WASHC5: variants seen among roughly 807,000 people sequenced by gnomAD.
WASHC5 encodes the protein WASH complex subunit 5, also known as WASH complex subunit strumpellin.
A neutral mutation model predicts 150.4 loss-of-function variants in WASHC5; 101 were observed. The observed-to-expected ratio is 0.67, with a 90% CI of 0.57 to 0.79. The LOEUF (loss-of-function observed/expected upper bound fraction) is 0.79. Among genes scored for constraint, WASHC5 ranks in the 30% least tolerant of loss-of-function variants. The pLI is 0.00. For missense variants in WASHC5, 1,195 were observed against 1,396.3 expected, an observed-to-expected ratio of 0.86 and a Z score of 2.30; for synonymous variants, 467 against 491.2, an observed-to-expected ratio of 0.95 and a Z score of 0.65.
intron 10 of WASHC5, among the ~76,000 whole-genome samples, chr8:125,064,022 T>C (rs1337273292): frequency 6.6e-6 from 1 of 152,210 alleles, no homozygotes; most frequent in South Asian, 2.1e-4. Context: ...TGGTTCCTTC[T>C]AGGCAACAAT....
At position 125,080,055 on chromosome 8, in the gene WASHC5, C is replaced by T. The variant is rs112301888; in HGVS notation, c.519-1125G>A. On this transcript the variant is annotated intron_variant, in intron 5 of 28. Coordinates refer to ENST00000318410, the MANE Select transcript of WASHC5 (RefSeq NM_014846.4). ...CTAATAAACAGGTCTGTGATTTTTC[C>T]GGGTGGAATAGTAAGCTCTGAAAGA... Among the ~76,000 whole-genome samples the T allele has an allele frequency of 9.8e-3, 1,496 of 152,104 alleles. 17 individuals are homozygous for T. Among genetic ancestry groups the T allele is most frequent in the African/African-American group, 0.034 (1,411 of 41,478 alleles).
At chr8:125,076,151 C>T (rs1817053621) in intron 7 of WASHC5, among the ~76,000 whole-genome samples, 197 bp downstream of exon 7, 1 of 152,124 alleles carries the variant, frequency 6.6e-6, no homozygotes, top group Non-Finnish European at 1.5e-5. Context: ...CTAGTGGGTT[C>T]TTCAGGAAGT....
chr8:125,069,616 GT>G (rs1816845595), intron 9 of WASHC5, among the ~76,000 whole-genome samples: 1 of 152,178 alleles, frequency 6.6e-6, no homozygotes, highest in East Asian at 1.9e-4. Flanking sequence ...CCTGTGGAAG[GT>G]CATCTTATAT....
At chr8:125,062,467 C>T (rs1816624601) in intron 11 of WASHC5, among the ~76,000 whole-genome samples, 1 of 152,194 alleles carries the variant, frequency 6.6e-6, no homozygotes, top group African/African-American at 2.4e-5. Context: ...CTAACCGGGT[C>T]AGATTGTTAC....
chr8:125,031,369 TG>T (rs1370595842), intron 27 of WASHC5, among the ~76,000 whole-genome samples: 5 of 152,104 alleles, frequency 3.3e-5, no homozygotes, highest in African/African-American at 9.7e-5. Flanking sequence ...TGAGGCCTCC[TG>T]GGTTCAAGCA....
chr8:125,040,290 A>G (rs1038692072), intron 23 of WASHC5, among the ~76,000 whole-genome samples: 1 of 152,140 alleles, frequency 6.6e-6, no homozygotes, highest in African/African-American at 2.4e-5. Context: ...ATTTATCCTA[A>G]ATGGAACTTT....
intron 6 of WASHC5, among the ~76,000 whole-genome samples, chr8:125,078,504 G>A (rs1051243422): frequency 6.6e-6 from 1 of 152,190 alleles, no homozygotes; most frequent in Non-Finnish European, 1.5e-5. Flanking sequence ...ATGACTAAAA[G>A]AATGCATCTT....
In WASHC5 at chr8:125,024,468, A is replaced by G. The variant is rs1230650021; in HGVS notation, c.*149T>C. 3 of 702,600 alleles carry G rather than the reference A, an allele frequency of 4.3e-6. No homozygotes were observed. Among genetic ancestry groups the G allele is most frequent in the African/African-American group, 1.8e-5 (1 of 56,446 alleles). 43.5% of individuals were successfully genotyped at this position (702,600 alleles called of 1,614,324 possible). On this transcript the variant is annotated 3_prime_UTR_variant, in exon 29 of 29. Transcript: ENST00000318410. Reference sequence around the variant, plus strand: ...GTTATATTAACTAATGCCATGAGATATATCTTACTCAGAACGTCTGATGTT... The same window carrying G: ...GTTATATTAACTAATGCCATGAGATGTATCTTACTCAGAACGTCTGATGTT...
chr8:125,034,600 AACTG>A (rs1815644261), intron 26 of WASHC5, among the ~76,000 whole-genome samples: 2 of 152,162 alleles, frequency 1.3e-5, no homozygotes, highest in African/African-American at 2.4e-5. Flanking sequence ...GTGAGAGTGT[AACTG>A]GCACAACCAC....
At chr8:125,086,146 C>T (rs1817415026) in intron 1 of WASHC5, among the ~76,000 whole-genome samples, 1 of 152,132 alleles carries the variant, frequency 6.6e-6, no homozygotes, top group Non-Finnish European at 1.5e-5. Context: ...AACAAAGCAC[C>T]ACAGAGAGGG....
intron 19 of WASHC5, among the ~76,000 whole-genome samples, chr8:125,048,170 C>T (rs1816130405): frequency 6.6e-6 from 1 of 152,220 alleles, no homozygotes; most frequent in Admixed American, 6.5e-5. Flanking sequence ...CTTCGGCTTT[C>T]TGTCTTATGA....
At chr8:125,033,538 AG>A (rs1563608586) in intron 26 of WASHC5, among the ~76,000 whole-genome samples, 1 of 151,502 alleles carries the variant, frequency 6.6e-6, no homozygotes, top group African/African-American at 2.4e-5. Flanking sequence ...GTGACCTTGA[AG>A]AAGGCAGAGA....
At chr8:125,027,346 T>C (rs559111468) in intron 28 of WASHC5, among the ~76,000 whole-genome samples, 2 of 152,336 alleles carry the variant, frequency 1.3e-5, no homozygotes, top group South Asian at 2.1e-4. Context: ...CAATTTACAA[T>C]TGCAAAATCG....
At position 125,041,035 on chromosome 8, in the gene WASHC5, T is replaced by C. The variant is rs1422839128; in HGVS notation, c.2851-1137A>G. Among the ~76,000 whole-genome samples the C allele has an allele frequency of 2.6e-5, 4 of 152,344 alleles. No homozygotes were observed. The East Asian group carries it at 5.8e-4, about 22-fold the overall frequency. On this transcript the variant is annotated intron_variant, in intron 23 of 28. Coordinates refer to ENST00000318410, the MANE Select transcript of WASHC5 (RefSeq NM_014846.4). ...AGTTATGCTAGGATGGTGTATTAAC[T>C]ACAGTACTTTAAAAGTAGCTATGAG...
At position 125,076,364 on chromosome 8, in the gene WASHC5, T is replaced by C; in HGVS notation, c.848A>G (p.Tyr283Cys). The C allele has an allele frequency of 6.2e-7, 1 of 1,613,882 alleles. No homozygotes were observed. Among genetic ancestry groups the C allele is most frequent in the Non-Finnish European group, 8.5e-7 (1 of 1,179,884 alleles). Residue 283 changes from tyrosine to cysteine, a missense_variant, in exon 7 of 29, where the codon TAC becomes TGC. Coordinates refer to ENST00000318410, the MANE Select transcript of WASHC5 (RefSeq NM_014846.4). ...AATACTTGCCCAATTATCTGGAAAG[T>C]ATTTATCCACTATCTCTCTCATTTT... Reference protein sequence around the residue: ...QAKMREIVDKYFPDNWVISIY... With the variant: ...QAKMREIVDKCFPDNWVISIY...
intron 28 of WASHC5, among the ~76,000 whole-genome samples, chr8:125,026,156 AC>A: frequency 6.6e-6 from 1 of 152,148 alleles, no homozygotes; most frequent in East Asian, 1.9e-4. Context: ...CCTTTCACCA[AC>A]CTGATAAGTG....
intron 28 of WASHC5, among the ~76,000 whole-genome samples, chr8:125,028,108 C>T (rs1183270392): frequency 6.6e-6 from 1 of 152,180 alleles, no homozygotes; most frequent in African/African-American, 2.4e-5. Context: ...ATCAAGCTCT[C>T]CACTTTGAGC....
At chr8:125,073,993 C>T (rs530933138) in intron 8 of WASHC5, among the ~76,000 whole-genome samples, 19 of 152,198 alleles carry the variant, frequency 1.2e-4, no homozygotes, top group Non-Finnish European at 1.9e-4. Flanking sequence ...TATAAGACTT[C>T]TTCTACAGGC....
intron 10 of WASHC5, among the ~76,000 whole-genome samples, chr8:125,064,007 C>G (rs979952378): frequency 1.3e-5 from 2 of 152,178 alleles, no homozygotes; most frequent in Non-Finnish European, 2.9e-5. Context: ...GTGACCACTG[C>G]TCTATGGTTC....
Sources: gnomAD v4.1 joint callset for allele counts (sites outside exome capture counted in the v4.1 genomes callset) on GRCh38, gnomAD v4.1.1 for gene constraint, MANE v1.5 for transcripts, NCBI Gene and HGNC (gene_info 2026-07-23, HGNC 2026-07-21) for gene names.